STAB2: variants seen among roughly 807,000 people sequenced by gnomAD.
The protein encoded by STAB2 is stabilin-2.
In STAB2, 288 loss-of-function variants were observed where a neutral mutation model predicts 338.1. That is an observed-to-expected ratio of 0.85 (90% CI 0.77 to 0.94). The LOEUF is 0.94. STAB2 is among the 40% of genes least tolerant of loss of function. The pLI is 0.00. For synonymous variants in STAB2, 1,202 were observed against 1,193.3 expected, an observed-to-expected ratio of 1.01 and a Z score of -0.15; for missense variants, 3,141 against 3,210.1, an observed-to-expected ratio of 0.98 and a Z score of 0.52.
chr12:103,763,789 C>G (rs1884715119), intron 68 of STAB2, 181 bp downstream of exon 68: 1 of 557,896 alleles, frequency 1.8e-6, no homozygotes, highest in Non-Finnish European at 3.2e-6. Flanking sequence ...GCTCAGAGTT[C>G]CTGGGTTCTC....
intron 35 of STAB2, 112 bp downstream of exon 35, chr12:103,703,388 A>C: frequency 7.6e-7 from 1 of 1,309,736 alleles, no homozygotes; most frequent in Non-Finnish European, 1.0e-6. Flanking sequence ...CAGTCCATAA[A>C]CCACTGAATG....
intron 50 of STAB2, among the ~76,000 whole-genome samples, chr12:103,732,668 G>A (rs980369464): frequency 6.6e-6 from 1 of 152,150 alleles, no homozygotes; most frequent in South Asian, 2.1e-4. Flanking sequence ...TGCAGAGTGT[G>A]GTGGTGCATG....
intron 38 of STAB2, among the ~76,000 whole-genome samples, 178 bp downstream of exon 38, chr12:103,707,165 A>G (rs1879441743): frequency 6.6e-6 from 1 of 152,244 alleles, no homozygotes; most frequent in African/African-American, 2.4e-5. Flanking sequence ...TTGCATTTGC[A>G]GTGTTCCCAA....
intron 3 of STAB2, among the ~76,000 whole-genome samples, chr12:103,598,370 G>C (rs931651138): frequency 6.6e-6 from 1 of 152,192 alleles, no homozygotes; most frequent in Non-Finnish European, 1.5e-5. Context: ...TTTGCTGACA[G>C]CTTATAATGG....
chr12:103,654,446 T>G, intron 12 of STAB2, 109 bp from the exon 13 acceptor site: 1 of 1,199,838 alleles, frequency 8.3e-7, no homozygotes, highest in Non-Finnish European at 1.1e-6. Flanking sequence ...AAAATCACAT[T>G]GCCAATAAAT....
chr12:103,607,161 G>A (rs1010692861), intron 3 of STAB2, among the ~76,000 whole-genome samples: 1 of 151,884 alleles, frequency 6.6e-6, no homozygotes, highest in African/African-American at 2.4e-5. Flanking sequence ...ATTTGTGCTA[G>A]GTATTCTTTG....
intron 6 of STAB2, 72 bp from the exon 7 acceptor site, chr12:103,637,039 A>C: frequency 1.3e-5 from 18 of 1,418,892 alleles, no homozygotes; most frequent in Non-Finnish European, 1.6e-5. Flanking sequence ...ATAAAAGGGA[A>C]TACTGCAGTT....
chr12:103,747,106 G>A (rs1048311323), intron 58 of STAB2, among the ~76,000 whole-genome samples: 3 of 151,694 alleles, frequency 2.0e-5, no homozygotes, highest in Admixed American at 6.6e-5. Flanking sequence ...ACAGGCATGC[G>A]CCACCGCACC....
intron 25 of STAB2, among the ~76,000 whole-genome samples, chr12:103,679,343 G>A (rs1417136446): frequency 6.6e-6 from 1 of 151,918 alleles, no homozygotes; most frequent in Non-Finnish European, 1.5e-5. Context: ...ATTCCAGCCT[G>A]GGCAACAAGA....
intron 3 of STAB2, among the ~76,000 whole-genome samples, chr12:103,615,118 G>A (rs993043136): frequency 6.6e-6 from 1 of 152,170 alleles, no homozygotes; most frequent in Non-Finnish European, 1.5e-5. Flanking sequence ...AGTGTCTGTG[G>A]GGATATATCC....
chr12:103,713,073 G>A (rs893695452), intron 41 of STAB2, among the ~76,000 whole-genome samples: 8 of 152,128 alleles, frequency 5.3e-5, no homozygotes, highest in Non-Finnish European at 1.2e-4. Context: ...CATTACCTTG[G>A]GAAAGTTTCT....
intron 21 of STAB2, among the ~76,000 whole-genome samples, chr12:103,669,847 T>C (rs1875574092): frequency 1.3e-5 from 2 of 152,172 alleles, no homozygotes; most frequent in South Asian, 2.1e-4. Flanking sequence ...TGCTTCTCTA[T>C]TGCGGGCTGC....
chr12:103,734,731 A>C (rs1881968080), intron 51 of STAB2, among the ~76,000 whole-genome samples: 1 of 152,208 alleles, frequency 6.6e-6, no homozygotes, highest in South Asian at 2.1e-4. Flanking sequence ...CTTAAGCCAC[A>C]GAAGTGGTTT....
rs1017377380 is a variant in STAB2, at chr12:103,674,183, C to A, written c.2552+96C>A. The A allele has an allele frequency of 4.3e-6, 6 of 1,395,314 alleles. No individual in the cohort carries two copies. The South Asian group carries it at 6.9e-5, about 16-fold the overall frequency. 86.4% of individuals were successfully genotyped at this position (1,395,314 alleles called of 1,614,324 possible). On this transcript the variant is annotated intron_variant, in intron 23 of 68. Transcript: ENST00000388887. ...CTGTGTTACCTGTAGACGGAGCCAA[C>A]CCATATCTGAACTCTGAACTGAGGC...
chr12:103,677,369 A>G, intron 24 of STAB2, 84 bp from the exon 25 acceptor site: 1 of 1,483,012 alleles, frequency 6.7e-7, no homozygotes, highest in Admixed American at 2.1e-5. Context: ...TCTGGAACAT[A>G]TGTCTGGAAA....
intron 42 of STAB2, among the ~76,000 whole-genome samples, chr12:103,714,364 A>G (rs191063901): frequency 3.9e-5 from 6 of 152,332 alleles, no homozygotes; most frequent in Admixed American, 3.9e-4. Flanking sequence ...TACAAATAGC[A>G]CAAAAAAGAC....
chr12:103,705,226 T>C (rs1161982751), intron 36 of STAB2, among the ~76,000 whole-genome samples: 3 of 152,252 alleles, frequency 2.0e-5, no homozygotes, highest in African/African-American at 7.2e-5. Flanking sequence ...TTTAATCTTG[T>C]ATATTATAAT....
intron 33 of STAB2, among the ~76,000 whole-genome samples, chr12:103,697,474 G>T (rs2138940282): frequency 6.6e-6 from 1 of 152,284 alleles, no homozygotes; most frequent in Middle Eastern, 3.4e-3. Flanking sequence ...TTCCCAAAAA[G>T]TCCTATAATC....
chr12:103,766,070 C>T (rs761142378), intron 68 of STAB2: 59 of 684,888 alleles, frequency 8.6e-5, no homozygotes, highest in East Asian at 4.6e-4. Context: ...TGTCTTGGGC[C>T]ACCCAGCTTC....
Sources: gnomAD v4.1 joint callset for allele counts (sites outside exome capture counted in the v4.1 genomes callset) on GRCh38, gnomAD v4.1.1 for gene constraint, MANE v1.5 for transcripts, NCBI Gene and HGNC (gene_info 2026-07-23, HGNC 2026-07-21) for gene names.